The following CCDC3 variants were observed in gnomAD, a reference collection of about 807,000 sequenced individuals.
CCDC3 encodes coiled-coil domain-containing protein 3.
CCDC3 carries 24 observed loss-of-function variants against 21.4 expected under a neutral mutation model. The ratio of observed to expected loss-of-function variants is 1.12; its 90% CI spans 0.81 to 1.58. CCDC3 has a LOEUF of 1.58. Among genes scored for constraint, CCDC3 ranks in the 40% most tolerant of loss-of-function variants. CCDC3 has a pLI of 0.00. For missense variants in CCDC3, 425 were observed against 360.9 expected (o/e 1.18, Z -1.44); for synonymous variants, 186 against 166.0 (o/e 1.12, Z -0.93).
intron 5 of CCDC3, among the ~76,000 whole-genome samples, chr10:13,031,531 C>T (rs1030437760): frequency 2.6e-5 from 4 of 152,070 alleles, no homozygotes; most frequent in African/African-American, 9.7e-5. Flanking sequence ...CACAAAAAAA[C>T]CTTCAAAAAA....
chr10:13,075,039 C>T (rs904210599), intron 3 of CCDC3, among the ~76,000 whole-genome samples: 1 of 152,156 alleles, frequency 6.6e-6, no homozygotes, highest in African/African-American at 2.4e-5. Context: ...CAATCGTAGG[C>T]GGGGAACATC....
chr10:12,919,047 C>T (rs1834404822), intron 2 of CCDC3, among the ~76,000 whole-genome samples: 1 of 152,038 alleles, frequency 6.6e-6, no homozygotes. Context: ...CAGAGCAAGA[C>T]CCCATCTCGA....
At chr10:13,067,639 A>G (rs897582005) in intron 4 of CCDC3, among the ~76,000 whole-genome samples, 3 of 152,142 alleles carry the variant, frequency 2.0e-5, no homozygotes, top group Non-Finnish European at 4.4e-5. Flanking sequence ...CCATTTTACA[A>G]TGGCGGCCGG....
chr10:12,949,318 C>G (rs1042514260), intron 2 of CCDC3, among the ~76,000 whole-genome samples: 2 of 152,184 alleles, frequency 1.3e-5, no homozygotes, highest in Non-Finnish European at 2.9e-5. Context: ...GTGGTGTGCA[C>G]AGCTTCAGTG....
chr10:13,001,128 C>T, intron 1 of CCDC3, 69 bp downstream of exon 1: 1 of 1,502,690 alleles, frequency 6.7e-7, no homozygotes, highest in Non-Finnish European at 8.9e-7. Context: ...CGGCCTGGCT[C>T]TAGGTAACGG....
intron 2 of CCDC3, among the ~76,000 whole-genome samples, chr10:12,916,008 C>T (rs958569066): frequency 6.6e-6 from 1 of 151,964 alleles, no homozygotes; most frequent in Admixed American, 6.6e-5. Flanking sequence ...AGTGGATGGT[C>T]CTGGAGCCTG....
At chr10:13,020,775 G>A (rs1306345383) in intron 5 of CCDC3, among the ~76,000 whole-genome samples, 2 of 151,918 alleles carry the variant, frequency 1.3e-5, no homozygotes, top group Non-Finnish European at 2.9e-5. Context: ...GTAGGGAGGA[G>A]GCATGGAATA....
upstream of CCDC3, among the ~76,000 whole-genome samples, chr10:13,005,140 A>T (rs1383036696): frequency 6.6e-6 from 1 of 152,148 alleles, no homozygotes; most frequent in Non-Finnish European, 1.5e-5. Context: ...CTGCTGCTCA[A>T]AGTTCTATCG....
At chr10:13,081,771 A>T (rs73573871) in intron 3 of CCDC3, among the ~76,000 whole-genome samples, 3,015 of 152,324 alleles carry the variant, frequency 0.02, 100 homozygotes, top group African/African-American at 0.068. Flanking sequence ...ATCAGGATGT[A>T]AATGCCTGGC....
At chr10:12,965,840 G>A (rs893857420) in intron 2 of CCDC3, among the ~76,000 whole-genome samples, 3 of 152,222 alleles carry the variant, frequency 2.0e-5, no homozygotes, top group Non-Finnish European at 4.4e-5. Context: ...ACATACACAC[G>A]TTGTAAATGG....
intron 2 of CCDC3, among the ~76,000 whole-genome samples, chr10:12,906,226 G>C (rs1273622438): frequency 6.6e-6 from 1 of 152,202 alleles, no homozygotes; most frequent in Non-Finnish European, 1.5e-5. Flanking sequence ...TCTGAGGACT[G>C]TCTGGAGGGA....
chr10:13,027,221 A>G (rs1280207506), intron 5 of CCDC3, among the ~76,000 whole-genome samples: 1 of 151,872 alleles, frequency 6.6e-6, no homozygotes, highest in African/African-American at 2.4e-5. Flanking sequence ...CCGTAGGGGA[A>G]TCTTAGCAGC....
chr10:13,015,081 C>T (rs992756792), intron 5 of CCDC3, among the ~76,000 whole-genome samples: 2 of 151,996 alleles, frequency 1.3e-5, no homozygotes, highest in Non-Finnish European at 2.9e-5. Context: ...TGTGATATAA[C>T]GTTAAGTGAA....
At chr10:12,985,500 T>A (rs1835574089) in intron 2 of CCDC3, among the ~76,000 whole-genome samples, 1 of 152,204 alleles carries the variant, frequency 6.6e-6, no homozygotes, top group Non-Finnish European at 1.5e-5. Context: ...ACTTTATTCG[T>A]AATAGCTAAA....
At chr10:12,931,699 A>C (rs958133486) in intron 2 of CCDC3, among the ~76,000 whole-genome samples, 11 of 152,166 alleles carry the variant, frequency 7.2e-5, no homozygotes, top group Admixed American at 5.9e-4. Context: ...AACCTCTCTA[A>C]TATTTTCTGC....
chr10:12,980,051 T>C (rs1332402774), intron 2 of CCDC3, among the ~76,000 whole-genome samples: 1 of 152,252 alleles, frequency 6.6e-6, no homozygotes, highest in East Asian at 1.9e-4. Flanking sequence ...GAGATTCTTT[T>C]ATGATGTTAC....
intron 3 of CCDC3, among the ~76,000 whole-genome samples, chr10:13,090,785 A>G (rs1378081054): frequency 6.6e-6 from 1 of 152,214 alleles, no homozygotes; most frequent in African/African-American, 2.4e-5. Flanking sequence ...GGACAGATGC[A>G]TATATTGAAG....
At position 12,965,700 on chromosome 10, in the gene CCDC3, T is replaced by C. The variant is rs77887030; in HGVS notation, c.549+32638A>G. 3.6e-3 allele frequency among the ~76,000 whole-genome samples: 554 copies of C among 152,368 alleles called. 1 individual carries two copies. The highest frequency in any genetic ancestry group is 0.013 in the African/African-American group (520 of 41,588). On this transcript the variant is annotated intron_variant, in intron 2 of 2. Transcript: ENST00000378825. ...TAAACAATTTGTCATTCGTTGTTAA[T>C]GCTTCTTTTCTCATGTAATCATGAG...
chr10:12,925,913 G>C (rs1715992448), intron 2 of CCDC3, among the ~76,000 whole-genome samples: 1 of 152,268 alleles, frequency 6.6e-6, no homozygotes, highest in South Asian at 2.1e-4. Context: ...GAAAAGAACA[G>C]GCAGAACAAA....
Sources: allele counts gnomAD v4.1 joint callset (sites outside exome capture counted in the v4.1 genomes callset), GRCh38; gene constraint gnomAD v4.1.1; transcripts MANE v1.5; gene names NCBI Gene and HGNC (gene_info 2026-07-23, HGNC 2026-07-21).